The following NEBL variants were observed in gnomAD, a reference collection of about 807,000 sequenced individuals.
NEBL encodes LIM and SH3 protein 2.
In NEBL, 122 loss-of-function variants were observed where a neutral mutation model predicts 140.2. That is an observed-to-expected ratio of 0.87 (90% CI 0.75 to 1.01). NEBL has a LOEUF of 1.01. Ranked by LOEUF, NEBL falls within the 50% of genes least tolerant of loss-of-function variation. The pLI is 0.00. For missense variants in NEBL, 1,365 were observed against 1,231.3 expected (o/e 1.11, Z -1.62); for synonymous variants, 436 against 398.9 (o/e 1.09, Z -1.11).
intron 5 of NEBL, among the ~76,000 whole-genome samples, chr10:20,876,011 G>C (rs948832912): frequency 6.6e-6 from 1 of 152,168 alleles, no homozygotes; most frequent in Non-Finnish European, 1.5e-5. Flanking sequence ...TCATCAAATA[G>C]GCATGTGGAC....
At chr10:20,828,372 A>G (rs141707690) in intron 17 of NEBL, among the ~76,000 whole-genome samples, 158 bp downstream of exon 17, 103 of 152,280 alleles carry the variant, frequency 6.8e-4, no homozygotes, top group Middle Eastern at 3.4e-3. Context: ...ATTTGTAAAA[A>G]TTATCAGTAT....
At chr10:20,949,809 A>G (rs1835372180) in intron 4 of NEBL, among the ~76,000 whole-genome samples, 1 of 152,028 alleles carries the variant, frequency 6.6e-6, no homozygotes, top group African/African-American at 2.4e-5. Flanking sequence ...AGATGGTTTG[A>G]CTTAATTTTT....
At chr10:21,252,213 T>C (rs1482749967) in intron 1 of NEBL, among the ~76,000 whole-genome samples, 1 of 152,240 alleles carries the variant, frequency 6.6e-6, no homozygotes, top group Admixed American at 6.5e-5. Context: ...AGTCTTGCTG[T>C]GGACTCAAAT....
chr10:21,225,193 A>G (rs187016539), intron 3 of NEBL, among the ~76,000 whole-genome samples: 1 of 152,286 alleles, frequency 6.6e-6, no homozygotes, highest in East Asian at 1.9e-4. Context: ...AATCCTCTAG[A>G]TGACAAGGCA....
At chr10:20,925,350 G>GA (rs1833844939) in intron 4 of NEBL, among the ~76,000 whole-genome samples, 1 of 152,022 alleles carries the variant, frequency 6.6e-6, no homozygotes. Flanking sequence ...TCAACATTAG[G>GA]ATGGCTCCTA....
At chr10:21,120,392 ACATATATATATAT>A in intron 2 of NEBL, among the ~76,000 whole-genome samples, 3 of 110,684 alleles carry the variant, frequency 2.7e-5, no homozygotes, top group Non-Finnish European at 5.3e-5. Flanking sequence ...AAAAAAAAAT[ACATATATATATAT>A]ATATATATAT....
At chr10:21,063,413 GACTC>G (rs1835389211) in intron 2 of NEBL, among the ~76,000 whole-genome samples, 1 of 152,128 alleles carries the variant, frequency 6.6e-6, no homozygotes, top group Non-Finnish European at 1.5e-5. Context: ...TACTATTTGA[GACTC>G]ACATTCGAAC....
chr10:20,792,108 G>A (rs1305988059), intron 26 of NEBL, among the ~76,000 whole-genome samples: 1 of 143,136 alleles, frequency 7.0e-6, no homozygotes, highest in Non-Finnish European at 1.5e-5. Context: ...ACAGTCGATG[G>A]CCAAATTCCA....
Position 21,145,506 on chromosome 10 carries a change from C to T in NEBL, c.164+26877G>A, listed in dbSNP as rs114328008. ...TAGAATAGTGCCTGACACTTAGGAA[C>T]CACTCGGTAAGTATCTGTTGAATAA... On this transcript the variant is annotated intron_variant, in intron 2 of 6. Transcript: ENST00000417816. Among the ~76,000 whole-genome samples the T allele has an allele frequency of 3.2e-3, 493 of 152,306 alleles. 2 individuals are homozygous for T. The highest frequency in any genetic ancestry group is 0.011 in the African/African-American group (475 of 41,572).
At chr10:21,267,837 G>A (rs779723076) in intron 1 of NEBL, among the ~76,000 whole-genome samples, 11 of 152,216 alleles carry the variant, frequency 7.2e-5, no homozygotes, top group Admixed American at 1.3e-4. Context: ...TGTGGCTAGT[G>A]TCTGTTGTAT....
At chr10:21,054,276 T>A (rs1202207077) in intron 2 of NEBL, among the ~76,000 whole-genome samples, 1 of 152,156 alleles carries the variant, frequency 6.6e-6, no homozygotes, top group East Asian at 1.9e-4. Flanking sequence ...ATTGTTATCA[T>A]TACTATTAAC....
At chr10:21,056,293 T>A (rs565298751) in intron 2 of NEBL, among the ~76,000 whole-genome samples, 3 of 152,170 alleles carry the variant, frequency 2.0e-5, no homozygotes, top group Non-Finnish European at 4.4e-5. Context: ...AAACCTAATA[T>A]AGAGTACTTC....
intron 5 of NEBL, among the ~76,000 whole-genome samples, chr10:20,874,629 G>A (rs139798051): frequency 1.3e-5 from 2 of 152,218 alleles, no homozygotes; most frequent in Non-Finnish European, 2.9e-5. Flanking sequence ...AAGATAGCTT[G>A]GATTTGTCAA....
intron 3 of NEBL, among the ~76,000 whole-genome samples, chr10:21,246,251 C>T (rs545693187): frequency 1.3e-5 from 2 of 152,310 alleles, no homozygotes; most frequent in African/African-American, 2.4e-5. Context: ...GAGAATGTGA[C>T]GCAACTAAAA....
intron 20 of NEBL, 158 bp downstream of exon 20, chr10:20,819,266 G>T: frequency 1.6e-6 from 2 of 1,230,282 alleles, no homozygotes; most frequent in Non-Finnish European, 2.3e-6. Flanking sequence ...CCCTCTATGT[G>T]TCCATGTATT....
At chr10:20,856,826 T>C (rs1470885059) in intron 9 of NEBL, among the ~76,000 whole-genome samples, 2 of 152,142 alleles carry the variant, frequency 1.3e-5, no homozygotes, top group African/African-American at 4.8e-5. Context: ...ATTTTTATTT[T>C]ATTTTATTCT....
intron 2 of NEBL, among the ~76,000 whole-genome samples, chr10:21,061,075 G>T (rs994323831): frequency 6.6e-6 from 1 of 151,730 alleles, no homozygotes; most frequent in East Asian, 1.9e-4. Context: ...ACTAAATAGA[G>T]GTCATTAGGG....
chr10:20,789,375 T>C (rs1014775139), intron 26 of NEBL, among the ~76,000 whole-genome samples: 6 of 152,242 alleles, frequency 3.9e-5, no homozygotes, highest in African/African-American at 1.2e-4. Flanking sequence ...CAGCCATCTT[T>C]AAATGTTTAA....
intron 4 of NEBL, among the ~76,000 whole-genome samples, chr10:20,934,319 T>G (rs777461581): frequency 2.6e-5 from 4 of 152,090 alleles, no homozygotes; most frequent in Non-Finnish European, 5.9e-5. Flanking sequence ...ATATAAAGTG[T>G]TTGGGACTAT....
Sources: gnomAD v4.1 joint callset for allele counts (sites outside exome capture counted in the v4.1 genomes callset) on GRCh38, gnomAD v4.1.1 for gene constraint, MANE v1.5 for transcripts, NCBI Gene and HGNC (gene_info 2026-07-23, HGNC 2026-07-21) for gene names.